PDE7A: variants seen among roughly 807,000 people sequenced by gnomAD.
PDE7A encodes the protein high affinity 3',5'-cyclic-AMP phosphodiesterase 7A.
PDE7A carries 39 observed loss-of-function variants against 64.3 expected under a neutral mutation model. The ratio of observed to expected loss-of-function variants is 0.61; its 90% confidence interval spans 0.47 to 0.79. The LOEUF (loss-of-function observed/expected upper bound fraction) is 0.79, where lower values mean the gene tolerates loss of function less well. Among genes scored for constraint, PDE7A ranks in the 30% least tolerant of loss-of-function variants. The pLI is 0.00. For missense variants in PDE7A, 470 were observed against 582.8 expected, an observed-to-expected ratio of 0.81 and a Z score of 1.99; for synonymous variants, 203 against 206.8, an observed-to-expected ratio of 0.98 and a Z score of 0.16.
At chr8:65,811,245 G>A (rs1810254618) in intron 1 of PDE7A, among the ~76,000 whole-genome samples, 3 of 152,176 alleles carry the variant, frequency 2.0e-5, no homozygotes. Context: ...TGAAGGGACT[G>A]TTTACTGAGG....
chr8:65,724,349 C>A lies in PDE7A; in HGVS notation c.1068G>T (p.Met356Ile). 6.2e-7 allele frequency: 1 copy of A among 1,608,178 alleles called. No individual in the cohort carries two copies. The highest frequency in any genetic ancestry group is 1.1e-5 in the South Asian group (1 of 90,866). ...TACAAATATCAGCACATTTCAAAGC[C>A]ATCTAGCAAACAAAACATTAATATT... ...DTRHRHLVLQ[M>I]ALKCADICNP... The change falls in exon 11 of 13, where the codon ATG (methionine) becomes ATT (isoleucine). Residue 356 changes from methionine to isoleucine, a missense_variant and splice_region_variant. Met to Ile is a conservative substitution (Grantham distance 10). Coordinates refer to ENST00000401827, the MANE Select transcript of PDE7A (RefSeq NM_001242318.3).
intron 1 of PDE7A, among the ~76,000 whole-genome samples, chr8:65,796,273 C>T (rs532870541): frequency 1.3e-4 from 19 of 151,932 alleles, no homozygotes; most frequent in African/African-American, 4.6e-4. Flanking sequence ...CATCTGATAA[C>T]AACTATCAAT....
chr8:65,794,412 C>G (rs1045140893), intron 1 of PDE7A, among the ~76,000 whole-genome samples: 12 of 149,962 alleles, frequency 8.0e-5, no homozygotes, highest in Admixed American at 2.0e-4. Flanking sequence ...TTAATGAGAC[C>G]GATTTGTAGG....
intron 3 of PDE7A, among the ~76,000 whole-genome samples, chr8:65,748,092 GGTTT>G (rs1271590174): frequency 1.4e-5 from 2 of 147,244 alleles, no homozygotes; most frequent in Admixed American, 7.0e-5. Context: ...TAATAATCAC[GGTTT>G]GTTTTTTTTT....
At chr8:65,722,844 G>A (rs1247382823) in intron 12 of PDE7A, 1 of 152,238 alleles carries the variant, frequency 6.6e-6, no homozygotes, top group East Asian at 1.9e-4. Context: ...GACTGACTCT[G>A]CCTAAAGCAA....
At chr8:65,747,318 C>T (rs1354737040) in intron 4 of PDE7A, among the ~76,000 whole-genome samples, 1 of 152,150 alleles carries the variant, frequency 6.6e-6, no homozygotes, top group Non-Finnish European at 1.5e-5. Flanking sequence ...TGATGGAATA[C>T]GGACATGATT....
In PDE7A at chr8:65,719,035, G is replaced by A. The variant is rs142722562; in HGVS notation, c.*255C>T. 48 of 514,314 alleles carry A rather than the reference G, an allele frequency of 9.3e-5. No homozygotes were observed. The highest frequency in any genetic ancestry group is 5.2e-4 in the Middle Eastern group (1 of 1,920). The allele number at this position is 514,314 out of a possible 1,614,324, so 31.9% of individuals were successfully genotyped here. A position where few individuals can be genotyped will look rare whatever the true frequency, so the allele number is the denominator to read the frequency against. On this transcript the variant is annotated 3_prime_UTR_variant, in exon 13 of 13. Coordinates refer to ENST00000401827, the MANE Select transcript of PDE7A (RefSeq NM_001242318.3). ...CAAAACTTCCTTTGTTACTCCTTTC[G>A]GATTCTCTCCTGCTGGGCTTTGCAT...
At chr8:65,788,505 T>C (rs961093726) in intron 1 of PDE7A, among the ~76,000 whole-genome samples, 12 of 152,238 alleles carry the variant, frequency 7.9e-5, no homozygotes, top group African/African-American at 2.9e-4. Flanking sequence ...CATTATACTT[T>C]AAATACACAA....
chr8:65,761,305 C>T (rs1808483928), intron 3 of PDE7A, among the ~76,000 whole-genome samples: 1 of 152,160 alleles, frequency 6.6e-6, no homozygotes, highest in South Asian at 2.1e-4. Flanking sequence ...ACCTCGTGAT[C>T]CACCTGCCTT....
intron 1 of PDE7A, among the ~76,000 whole-genome samples, chr8:65,787,728 A>C (rs1346705282): frequency 1.3e-5 from 2 of 151,848 alleles, no homozygotes; most frequent in African/African-American, 2.4e-5. Context: ...GGATTGCTTG[A>C]GCCCAGGAGT....
At chr8:65,833,566 T>TTGC (rs934288074) in intron 1 of PDE7A, among the ~76,000 whole-genome samples, 7 of 152,200 alleles carry the variant, frequency 4.6e-5, no homozygotes, top group African/African-American at 1.7e-4. Context: ...TTTCTGGAAG[T>TTGC]TCATATAATA....
chr8:65,800,579 A>C (rs1003497817), intron 1 of PDE7A, among the ~76,000 whole-genome samples: 4 of 152,208 alleles, frequency 2.6e-5, no homozygotes, highest in African/African-American at 9.6e-5. Context: ...AGCACTCTGC[A>C]GTAAACACCT....
At chr8:65,818,053 G>T (rs1323828991) in intron 1 of PDE7A, among the ~76,000 whole-genome samples, 4 of 152,018 alleles carry the variant, frequency 2.6e-5, no homozygotes, top group Non-Finnish European at 5.9e-5. Flanking sequence ...CACCCAGCCA[G>T]CTTTTTTGTT....
chr8:65,773,760 T>C (rs1284814994), intron 3 of PDE7A, among the ~76,000 whole-genome samples: 3 of 152,184 alleles, frequency 2.0e-5, no homozygotes, highest in Non-Finnish European at 4.4e-5. Flanking sequence ...TTTAATTTCA[T>C]TAGAGATACT....
intron 12 of PDE7A, among the ~76,000 whole-genome samples, chr8:65,720,760 G>C (rs1470039250): frequency 1.3e-5 from 2 of 152,188 alleles, no homozygotes; most frequent in Admixed American, 1.3e-4. Flanking sequence ...AGGAGAAAGA[G>C]ATAACAAACA....
intron 5 of PDE7A, among the ~76,000 whole-genome samples, chr8:65,740,853 TTCTC>T (rs1046719607): frequency 6.6e-6 from 1 of 152,132 alleles, no homozygotes; most frequent in Non-Finnish European, 1.5e-5. Context: ...ATGTTCTAGA[TTCTC>T]TCATCTCTGA....
chr8:65,758,998 G>T (rs1427623157), intron 3 of PDE7A, among the ~76,000 whole-genome samples: 3 of 152,172 alleles, frequency 2.0e-5, no homozygotes, highest in Non-Finnish European at 4.4e-5. Flanking sequence ...TTATGTGTCT[G>T]AGAGGGGGCA....
chr8:65,744,635 G>A (rs1345524003), intron 5 of PDE7A, among the ~76,000 whole-genome samples: 1 of 152,036 alleles, frequency 6.6e-6, no homozygotes, highest in East Asian at 1.9e-4. Flanking sequence ...CTGAAAGCAA[G>A]GAACCACTGC....
intron 1 of PDE7A, among the ~76,000 whole-genome samples, chr8:65,814,042 A>C (rs551820351): frequency 1.3e-5 from 2 of 152,264 alleles, no homozygotes; most frequent in African/African-American, 2.4e-5. Flanking sequence ...ACTAATTTTA[A>C]AAGTGGTATT....
Sources: allele counts gnomAD v4.1 joint callset (sites outside exome capture counted in the v4.1 genomes callset), GRCh38; gene constraint gnomAD v4.1.1; transcripts MANE v1.5; gene names NCBI Gene and HGNC (gene_info 2026-07-23, HGNC 2026-07-21).